The following STK3 variants were observed in gnomAD, a reference collection of about 807,000 sequenced individuals.
The protein encoded by STK3 is serine/threonine-protein kinase 3.
STK3 carries 41 observed loss-of-function variants against 58.0 expected under a neutral mutation model. That is an observed-to-expected ratio of 0.71 (90% CI 0.55 to 0.92). STK3 has a LOEUF of 0.92. STK3 is among the 40% of genes least tolerant of loss of function. The probability of loss-of-function intolerance (pLI) is 0.00; values close to 1 mark genes in which losing one functional copy is unlikely to be tolerated. For synonymous variants in STK3, 170 were observed against 191.0 expected (o/e 0.89, Z 0.91); for missense variants, 479 against 602.7 (o/e 0.79, Z 2.15).
At chr8:98,759,158 T>C (rs951344511) in intron 3 of STK3, among the ~76,000 whole-genome samples, 1 of 152,254 alleles carries the variant, frequency 6.6e-6, no homozygotes, top group Non-Finnish European at 1.5e-5. Context: ...ACAAGAACCC[T>C]AGCTTTCAGC....
chr8:98,415,991 G>A (rs1818110329), intron 3 of STK3, among the ~76,000 whole-genome samples: 1 of 152,156 alleles, frequency 6.6e-6, no homozygotes, highest in South Asian at 2.1e-4. Context: ...TACTCCATGG[G>A]GTAGCTCAGA....
At chr8:98,901,179 CT>C (rs1838643741) in intron 1 of STK3, among the ~76,000 whole-genome samples, 1 of 152,164 alleles carries the variant, frequency 6.6e-6, no homozygotes, top group African/African-American at 2.4e-5. Context: ...CACCACATGA[CT>C]TTAGGAAAGT....
At chr8:98,389,951 G>C (rs1817832867), upstream of STK3, among the ~76,000 whole-genome samples, 1 of 151,980 alleles carries the variant, frequency 6.6e-6, no homozygotes, top group Non-Finnish European at 1.5e-5. Flanking sequence ...GATTTGACAT[G>C]ATCTCACTTT....
At chr8:98,839,410 G>T (rs1328088399) in intron 3 of STK3, among the ~76,000 whole-genome samples, 2 of 152,068 alleles carry the variant, frequency 1.3e-5, no homozygotes. Context: ...TCCTTCAGTG[G>T]GTGGGAGAAG....
At chr8:98,408,927 T>C (rs745743979) in intron 3 of STK3, among the ~76,000 whole-genome samples, 17 of 152,360 alleles carry the variant, frequency 1.1e-4, no homozygotes, top group Non-Finnish European at 2.1e-4. Context: ...TCCTACCATG[T>C]GACCCAATTT....
intron 3 of STK3, among the ~76,000 whole-genome samples, chr8:98,419,947 G>C (rs1183772941): frequency 6.6e-6 from 1 of 152,142 alleles, no homozygotes; most frequent in African/African-American, 2.4e-5. Flanking sequence ...CCTGGGAGCT[G>C]GCAGAGATCT....
At chr8:98,396,309 T>A (rs943532077) in intron 3 of STK3, among the ~76,000 whole-genome samples, 73 of 152,368 alleles carry the variant, frequency 4.8e-4, no homozygotes, top group East Asian at 3.9e-4. Flanking sequence ...ATACAGGAGC[T>A]GAAATTCAAC....
downstream of STK3, chr8:98,880,397 A>G (rs1240383728): frequency 6.6e-6 from 1 of 152,256 alleles, no homozygotes; most frequent in Non-Finnish European, 1.5e-5. Context: ...GCAAATTTCA[A>G]CAAAGCAAAA....
At chr8:98,412,988 CT>C in intron 3 of STK3, 1 of 233,900 alleles carries the variant, frequency 4.3e-6, no homozygotes, top group Non-Finnish European at 8.4e-6. Context: ...GGGACTAGTC[CT>C]TCTGATATCA....
intron 1 of STK3, among the ~76,000 whole-genome samples, chr8:98,911,863 A>T (rs1465185907): frequency 1.3e-5 from 2 of 152,212 alleles, no homozygotes; most frequent in Non-Finnish European, 2.9e-5. Context: ...TTATTCCTAA[A>T]TGATTCAAAT....
chr8:98,895,116 A>T (rs1838398053), intron 1 of STK3, among the ~76,000 whole-genome samples: 1 of 152,204 alleles, frequency 6.6e-6, no homozygotes, highest in Admixed American at 6.5e-5. Flanking sequence ...AGTCTGAAAG[A>T]AGACACAGAT....
chr8:98,502,480 T>C (rs111964451), intron 10 of STK3, among the ~76,000 whole-genome samples: 1 of 152,314 alleles, frequency 6.6e-6, no homozygotes, highest in African/African-American at 2.4e-5. Flanking sequence ...CCCTGTCTTG[T>C]GCAAGTTTTC....
rs564857573 is a variant in STK3 at position 98,472,869 on chromosome 8, G to T, written c.1318-16869C>A. ...AACCCACATAACAAAATAAAAATCA[G>T]AACATGAAAAGCTATAGTAAGGAGA... On this transcript the variant is annotated intron_variant, in intron 10 of 10. Coordinates refer to ENST00000419617, the MANE Select transcript of STK3 (RefSeq NM_006281.4). Among the ~76,000 whole-genome samples, 5 of 152,028 alleles carry T rather than the reference G, an allele frequency of 3.3e-5. No individual in the cohort carries two copies. The South Asian group carries it at 1.0e-3, about 32-fold the overall frequency.
intron 10 of STK3, among the ~76,000 whole-genome samples, chr8:98,513,672 T>C (rs74457142): frequency 0.01 from 1,570 of 152,242 alleles, 29 homozygotes; most frequent in African/African-American, 0.035. Flanking sequence ...AGAAATAGTA[T>C]ACCTGGGTGG....
chr8:98,764,360 T>C (rs1054113164), intron 3 of STK3, among the ~76,000 whole-genome samples: 7 of 152,196 alleles, frequency 4.6e-5, no homozygotes, highest in Admixed American at 1.3e-4. Context: ...CACCCTTTCA[T>C]TCATTCATCA....
chr8:98,933,807 A>G (rs1487924057), intron 1 of STK3, among the ~76,000 whole-genome samples: 1 of 152,172 alleles, frequency 6.6e-6, no homozygotes, highest in Non-Finnish European at 1.5e-5. Flanking sequence ...CCCTCCTTCC[A>G]TACCTATGTT....
chr8:98,778,654 G>T (rs1831882072), intron 1 of STK3, among the ~76,000 whole-genome samples: 1 of 152,038 alleles, frequency 6.6e-6, no homozygotes, highest in African/African-American at 2.4e-5. Flanking sequence ...TGATAGACTG[G>T]ATTAAGAAAA....
At chr8:98,905,318 G>T in intron 1 of STK3, 1 of 872,258 alleles carries the variant, frequency 1.1e-6, no homozygotes, top group Non-Finnish European at 2.0e-6. Context: ...CCATGTGTAT[G>T]AAGTGTATGA....
chr8:98,904,723 C>G, intron 1 of STK3: 1 of 830,638 alleles, frequency 1.2e-6, no homozygotes, highest in South Asian at 1.3e-5. Context: ...AACCGTAGCC[C>G]TCTCCAACTG....
Sources: allele counts gnomAD v4.1 joint callset (sites outside exome capture counted in the v4.1 genomes callset), GRCh38; gene constraint gnomAD v4.1.1; transcripts MANE v1.5; gene names NCBI Gene and HGNC (gene_info 2026-07-23, HGNC 2026-07-21).